Variants in CADM2 observed in about 807,000 individuals in gnomAD.
CADM2 encodes the protein cell adhesion molecule 2.
A neutral mutation model predicts 49.8 loss-of-function variants in CADM2; 12 were observed. The ratio of observed to expected loss-of-function variants is 0.24; its 90% CI spans 0.15 to 0.39. CADM2 has a LOEUF of 0.39. Among genes scored for constraint, CADM2 ranks in the 10% least tolerant of loss-of-function variants. The pLI, the probability that CADM2 is intolerant of heterozygous loss-of-function variation, is 1.00. For missense variants in CADM2, 378 were observed against 492.3 expected (o/e 0.77, Z 2.20); for synonymous variants, 214 against 175.4 (o/e 1.22, Z -1.74).
At chr3:85,777,818 G>C (rs9852478) in intron 2 of CADM2, among the ~76,000 whole-genome samples, 1 of 152,064 alleles carries the variant, frequency 6.6e-6, no homozygotes, top group African/African-American at 2.4e-5. Context: ...TTCCAGTATA[G>C]AGCAGTGATA....
chr3:85,533,606 A>T (rs558902777), intron 1 of CADM2, among the ~76,000 whole-genome samples: 3 of 152,328 alleles, frequency 2.0e-5, no homozygotes, highest in Admixed American at 6.5e-5. Flanking sequence ...TTATTTTCAA[A>T]TAGAATCATG....
intron 1 of CADM2, among the ~76,000 whole-genome samples, chr3:85,211,393 G>C (rs1204493661): frequency 6.6e-6 from 1 of 151,864 alleles, no homozygotes; most frequent in African/African-American, 2.4e-5. Flanking sequence ...TAGGTTATTT[G>C]AAGTTTTTCT....
At chr3:85,974,114 C>G (rs994135711) in intron 8 of CADM2, among the ~76,000 whole-genome samples, 2 of 151,600 alleles carry the variant, frequency 1.3e-5, no homozygotes, top group Non-Finnish European at 3.0e-5. Flanking sequence ...GAGGGAAACA[C>G]ATAAATATAA....
intron 1 of CADM2, among the ~76,000 whole-genome samples, chr3:85,649,938 A>G (rs2064995899): frequency 6.6e-6 from 1 of 152,204 alleles, no homozygotes; most frequent in Non-Finnish European, 1.5e-5. Context: ...GGATAATAAA[A>G]GCAAGGAAGC....
intron 1 of CADM2, among the ~76,000 whole-genome samples, chr3:85,715,262 G>C (rs1470216503): frequency 6.6e-6 from 1 of 151,988 alleles, no homozygotes; most frequent in East Asian, 1.9e-4. Flanking sequence ...ACCTTTGTTG[G>C]CTCAAAAATT....
intron 2 of CADM2, among the ~76,000 whole-genome samples, chr3:85,798,081 T>C (rs940899790): frequency 4.6e-5 from 7 of 152,238 alleles, no homozygotes; most frequent in African/African-American, 1.4e-4. Context: ...TGTCTGTTCA[T>C]ATCCTTTGCC....
At chr3:86,012,391 A>C (rs1731616677) in intron 8 of CADM2, among the ~76,000 whole-genome samples, 1 of 152,172 alleles carries the variant, frequency 6.6e-6, no homozygotes, top group South Asian at 2.1e-4. Flanking sequence ...TGTCATGGTC[A>C]CACACAATAA....
At chr3:85,944,921 T>C (rs1722459145) in intron 7 of CADM2, among the ~76,000 whole-genome samples, 1 of 151,612 alleles carries the variant, frequency 6.6e-6, no homozygotes, top group Admixed American at 6.6e-5. Context: ...AAGAAATAAC[T>C]AAGATCAGAG....
chr3:85,535,856 G>T (rs889293297), intron 1 of CADM2, among the ~76,000 whole-genome samples: 1 of 152,116 alleles, frequency 6.6e-6, no homozygotes, highest in Non-Finnish European at 1.5e-5. Flanking sequence ...CTTGAGCAGA[G>T]CAACCCTGTA....
chr3:85,273,216 G>T lies in CADM2; in HGVS notation c.61+313548G>T, dbSNP rs561123777. Among the ~76,000 whole-genome samples, 200 of 151,464 alleles carry T rather than the reference G, an allele frequency of 1.3e-3. 1 individual carries two copies. Among genetic ancestry groups the T allele is most frequent in the African/African-American group, 4.8e-3 (199 of 41,454 alleles). ...GTTGTATGTGAGTGAACAAGAGATAGATCAGTAAGAAATAATAAGGTAAAA... is the reference window on the plus strand; with the variant it reads ...GTTGTATGTGAGTGAACAAGAGATATATCAGTAAGAAATAATAAGGTAAAA... On this transcript the variant is annotated intron_variant, in intron 1 of 9. Coordinates refer to ENST00000383699, the MANE Select transcript of CADM2 (RefSeq NM_001167675.2).
At chr3:85,550,661 T>C (rs1697555908) in intron 1 of CADM2, among the ~76,000 whole-genome samples, 1 of 152,198 alleles carries the variant, frequency 6.6e-6, no homozygotes, top group Non-Finnish European at 1.5e-5. Flanking sequence ...TAAGAGCAAC[T>C]AATTGTGTTC....
chr3:85,231,126 A>G lies in CADM2; in HGVS notation c.61+271458A>G, dbSNP rs1448765879. On this transcript the variant is annotated intron_variant, in intron 1 of 9. Transcript: ENST00000383699. ...CTTATGAAGACACCAGTAATATTGAACTAGAACTTATATCTATTACCTCAT... is the reference window on the plus strand; with the variant it reads ...CTTATGAAGACACCAGTAATATTGAGCTAGAACTTATATCTATTACCTCAT... Among the ~76,000 whole-genome samples the G allele has an allele frequency of 7.2e-5, 11 of 152,160 alleles. 1 individual carries two copies. Among genetic ancestry groups the G allele is most frequent in the Admixed American group, 7.2e-4 (11 of 15,266 alleles).
chr3:85,775,283 G>A (rs1159444534), intron 2 of CADM2, among the ~76,000 whole-genome samples: 1 of 151,686 alleles, frequency 6.6e-6, no homozygotes, highest in African/African-American at 2.4e-5. Context: ...ATCTTTAAAT[G>A]GGAGTCCATT....
At chr3:85,291,654 AT>A (rs1559762408) in intron 1 of CADM2, among the ~76,000 whole-genome samples, 1 of 147,324 alleles carries the variant, frequency 6.8e-6, no homozygotes, top group Non-Finnish European at 1.5e-5. Flanking sequence ...AAAGAAAAGA[AT>A]TTTCAACCCA....
intron 8 of CADM2, among the ~76,000 whole-genome samples, chr3:85,985,564 A>G (rs1302446056): frequency 3.9e-5 from 6 of 151,916 alleles, no homozygotes; most frequent in South Asian, 2.1e-4. Flanking sequence ...TGGAATGACT[A>G]TAAAACCAGT....
chr3:85,498,469 T>A (rs1422488534), intron 1 of CADM2, among the ~76,000 whole-genome samples: 1 of 152,146 alleles, frequency 6.6e-6, no homozygotes, highest in Non-Finnish European at 1.5e-5. Context: ...TAGTGAATGA[T>A]GAAACTACGG....
intron 1 of CADM2, among the ~76,000 whole-genome samples, chr3:85,690,968 A>G (rs2066366929): frequency 1.3e-5 from 2 of 152,200 alleles, no homozygotes; most frequent in Admixed American, 1.3e-4. Context: ...ATGCAACACA[A>G]TATTGTTAAC....
intron 8 of CADM2, among the ~76,000 whole-genome samples, chr3:86,050,980 G>A (rs116636527): frequency 0.012 from 1,815 of 152,276 alleles, 39 homozygotes; most frequent in African/African-American, 0.041. Context: ...TCTGCAGCCT[G>A]CTTTAATTCC....
intron 2 of CADM2, among the ~76,000 whole-genome samples, chr3:85,798,835 G>T (rs759591638): frequency 6.6e-6 from 1 of 152,066 alleles, no homozygotes; most frequent in African/African-American, 2.4e-5. Context: ...GATGGGGATG[G>T]CATTGAATCT....
Sources: gnomAD v4.1 joint callset for allele counts (sites outside exome capture counted in the v4.1 genomes callset) on GRCh38, gnomAD v4.1.1 for gene constraint, MANE v1.5 for transcripts, NCBI Gene and HGNC (gene_info 2026-07-23, HGNC 2026-07-21) for gene names.